SLC16A6: variants seen among roughly 807,000 people sequenced by gnomAD.
The protein encoded by SLC16A6 is monocarboxylate transporter 7.
A neutral mutation model predicts 33.8 loss-of-function variants in SLC16A6; 15 were observed. The ratio of observed to expected loss-of-function variants is 0.44; its 90% CI spans 0.30 to 0.68. The LOEUF is 0.68. SLC16A6 is among the 30% of genes least tolerant of loss of function. The pLI is 0.10. For synonymous variants in SLC16A6, 219 were observed against 248.4 expected (o/e 0.88, Z 1.11); for missense variants, 451 against 661.5 (o/e 0.68, Z 3.49).
chr17:68,287,017 C>T (rs1037557550), intron 1 of SLC16A6, among the ~76,000 whole-genome samples: 24 of 151,972 alleles, frequency 1.6e-4, no homozygotes, highest in African/African-American at 5.8e-4. Context: ...GAGTTTCGCT[C>T]TTGTTGCCTA....
chr17:68,273,007 A>C (rs1555749580), intron 3 of SLC16A6, among the ~76,000 whole-genome samples: 2 of 151,832 alleles, frequency 1.3e-5, no homozygotes, highest in African/African-American at 4.8e-5. Flanking sequence ...TTATCTTTGC[A>C]ACACTTTTTT....
At chr17:68,281,821 A>G (rs1047850845) in intron 1 of SLC16A6, among the ~76,000 whole-genome samples, 1 of 152,174 alleles carries the variant, frequency 6.6e-6, no homozygotes. Flanking sequence ...GTGGGAATGT[A>G]AACTAGTACG....
intron 5 of SLC16A6, 34 bp downstream of exon 5, chr17:68,270,805 A>G (rs782781811): frequency 1.3e-6 from 2 of 1,526,124 alleles, no homozygotes; most frequent in African/African-American, 2.8e-5. Flanking sequence ...AAGGGAAAGT[A>G]GACAAGTGTT....
intron 1 of SLC16A6, chr17:68,285,543 A>T (rs530905182): frequency 6.6e-6 from 1 of 152,368 alleles, no homozygotes; most frequent in African/African-American, 2.4e-5. Context: ...GGTGGTGCGC[A>T]CCTGTGCTTC....
intron 2 of SLC16A6, among the ~76,000 whole-genome samples, chr17:68,277,450 G>A (rs2075561646): frequency 6.6e-6 from 1 of 151,876 alleles, no homozygotes; most frequent in Admixed American, 6.6e-5. Context: ...TCTTTTTTGA[G>A]ATGGTGTCTC....
chr17:68,281,121 G>T (rs2075680698), intron 1 of SLC16A6, among the ~76,000 whole-genome samples: 1 of 143,516 alleles, frequency 7.0e-6, no homozygotes. Context: ...AGGAGACTCT[G>T]CCTCCAAAAA....
Position 68,272,900 on chromosome 17 carries a change from G to C in SLC16A6, c.377-133C>G, listed in dbSNP as rs1389404999. 7.5e-6 allele frequency: 8 copies of C among 1,065,824 alleles called. No homozygotes were observed. In the East Asian group the frequency reaches 1.3e-4, roughly 17 times the overall value. The allele number at this position is 1,065,824 out of a possible 1,614,324, so 66.0% of individuals were successfully genotyped here. On this transcript the variant is annotated intron_variant, in intron 3 of 5. Coordinates refer to ENST00000580666, the MANE Select transcript of SLC16A6 (RefSeq NM_004694.5). ...TCTAGGAGCCAAGTAATTCATTCTG[G>C]ACAAAGGTGATGTTGCAAAGAAAAA...
Position 68,274,071 on chromosome 17 carries a change from C to A in SLC16A6, c.233-1G>T. On this transcript the variant is annotated splice_acceptor_variant, in intron 2 of 5. Coordinates refer to ENST00000580666, the MANE Select transcript of SLC16A6 (RefSeq NM_004694.5). LOFTEE classifies it high-confidence loss of function. ...TTGCTCAGGACTGTGGCGAGGGGAG[C>A]TGCCGGGAAAGAACAAAACGATATT... 1.2e-6 allele frequency: 2 copies of A among 1,611,548 alleles called. No homozygotes were observed. Among genetic ancestry groups the A allele is most frequent in the Non-Finnish European group, 1.7e-6 (2 of 1,178,284 alleles).
At chr17:68,289,559 C>G (rs1490268437) in intron 1 of SLC16A6, among the ~76,000 whole-genome samples, 1 of 152,150 alleles carries the variant, frequency 6.6e-6, no homozygotes, top group Non-Finnish European at 1.5e-5. Flanking sequence ...AGGCGTAGCC[C>G]GGAGAACAGC....
rs560612000 is a variant in SLC16A6 at position 68,270,508 on chromosome 17, T to C, written c.1321+331A>G. ...GGTGGAGGTTGCAGTGAGCTGAGAC[T>C]GCGCCACTGCACTCCAGCCTGGGTG... On this transcript the variant is annotated intron_variant, in intron 5 of 5. Transcript: ENST00000580666. Among the ~76,000 whole-genome samples the C allele has an allele frequency of 2.0e-5, 3 of 148,414 alleles. No individual in the cohort carries two copies. In the South Asian group the frequency reaches 6.5e-4, roughly 32 times the overall value.
chr17:68,275,060 G>A (rs1201345750), intron 2 of SLC16A6, among the ~76,000 whole-genome samples: 16 of 152,210 alleles, frequency 1.1e-4, no homozygotes, highest in Non-Finnish European at 2.2e-4. Context: ...GATTACAGGC[G>A]TGAGCCACCG....
In SLC16A6 at chr17:68,281,137, A is replaced by AG. The variant is rs1311510864; in HGVS notation, c.-7-2811_-7-2810insC. Among the ~76,000 whole-genome samples the AG allele has an allele frequency of 2.6e-5, 4 of 151,932 alleles. 1 individual carries two copies. In the East Asian group the frequency reaches 7.7e-4, roughly 29 times the overall value. On this transcript the variant is annotated intron_variant, in intron 1 of 5. Transcript: ENST00000580666. Reference sequence around the variant, plus strand: ...GGAGACTCTGCCTCCAAAAAAAAAAAAAAAGAATGAAAAGACAACCCACAG... The same window carrying AG: ...GGAGACTCTGCCTCCAAAAAAAAAAAGAAAAGAATGAAAAGACAACCCACAG...
At chr17:68,287,684 C>G (rs535061146) in intron 1 of SLC16A6, among the ~76,000 whole-genome samples, 1 of 152,214 alleles carries the variant, frequency 6.6e-6, no homozygotes, top group East Asian at 1.9e-4. Context: ...CGTCCTACCC[C>G]CAAGGTTTAT....
At chr17:68,274,462 T>C (rs3785614) in intron 2 of SLC16A6, 28,802 of 156,580 alleles carry the variant, frequency 0.18, 2,989 homozygotes, top group East Asian at 0.27. Context: ...TGAGACCCTG[T>C]CTCAAGAAAA....
rs2075210974 is a variant in SLC16A6 at position 68,268,084 on chromosome 17, T to A, written c.*1012A>T. 6.6e-6 allele frequency: 1 copy of A among 152,222 alleles called. No homozygotes were observed. The highest frequency in any genetic ancestry group is 1.5e-5 in the Non-Finnish European group (1 of 68,040). 9.4% of individuals were successfully genotyped at this position (152,222 alleles called of 1,614,324 possible). A position where few individuals can be genotyped will look rare whatever the true frequency, so the allele number is the denominator to read the frequency against. Reference sequence around the variant, plus strand: ...TTTTTTCCCCTTTAATAGCACACGTTGCCCCTAATCAAATGGAAGAATCAT... The same window carrying A: ...TTTTTTCCCCTTTAATAGCACACGTAGCCCCTAATCAAATGGAAGAATCAT... On this transcript the variant is annotated 3_prime_UTR_variant, in exon 6 of 6. Transcript: ENST00000580666.
intron 1 of SLC16A6, among the ~76,000 whole-genome samples, chr17:68,280,201 GAA>G (rs1317772957): frequency 1.8e-5 from 2 of 109,046 alleles, no homozygotes; most frequent in Non-Finnish European, 3.9e-5. Context: ...AAAAAAAAAA[GAA>G]TTATTTATAT....
intron 1 of SLC16A6, among the ~76,000 whole-genome samples, chr17:68,284,119 A>G (rs1246515382): frequency 6.6e-6 from 1 of 150,550 alleles, no homozygotes; most frequent in Non-Finnish European, 1.5e-5. Context: ...AAAAAAAAAA[A>G]AAAAAAGCTG....
chr17:68,278,557 C>T (rs2075596494), intron 1 of SLC16A6, among the ~76,000 whole-genome samples: 1 of 152,020 alleles, frequency 6.6e-6, no homozygotes, highest in Non-Finnish European at 1.5e-5. Flanking sequence ...ACGTCAGCCT[C>T]CCAAGTAGCT....
chr17:68,291,148 C>T (rs1179767865), upstream of SLC16A6: 2 of 152,174 alleles, frequency 1.3e-5, no homozygotes, highest in Non-Finnish European at 2.9e-5. Flanking sequence ...CTTGGCCTCC[C>T]CCTCCTTATA....
Sources: allele counts gnomAD v4.1 joint callset (sites outside exome capture counted in the v4.1 genomes callset), GRCh38; gene constraint gnomAD v4.1.1; transcripts MANE v1.5; gene names NCBI Gene and HGNC (gene_info 2026-07-23, HGNC 2026-07-21).